The following ACOT11 variants were observed in gnomAD, a reference collection of about 807,000 sequenced individuals.
ACOT11 encodes acyl-coenzyme A thioesterase 11.
Under a neutral mutation model 77.5 loss-of-function variants are expected in ACOT11, and 69 were observed. That is an observed-to-expected ratio of 0.89 (90% CI 0.73 to 1.09). The LOEUF is 1.09. ACOT11 is among the 50% of genes least tolerant of loss of function. The pLI, the probability that ACOT11 is intolerant of heterozygous loss-of-function variation, is 0.00. For synonymous variants in ACOT11, 279 were observed against 313.0 expected (o/e 0.89, Z 1.15); for missense variants, 766 against 813.7 (o/e 0.94, Z 0.71).
intron 1 of ACOT11, among the ~76,000 whole-genome samples, chr1:54,576,080 G>A (rs1654104927): frequency 6.6e-6 from 1 of 152,178 alleles, no homozygotes; most frequent in Non-Finnish European, 1.5e-5. Context: ...TCAGACTGGG[G>A]TTTTTAAGGG....
intron 16 of ACOT11, among the ~76,000 whole-genome samples, chr1:54,633,064 G>C (rs1019455287): frequency 1.3e-5 from 2 of 152,276 alleles, no homozygotes; most frequent in Admixed American, 6.5e-5. Context: ...GATTTGCAAG[G>C]TTTGAAAGAA....
intron 1 of ACOT11, among the ~76,000 whole-genome samples, chr1:54,554,348 T>C (rs1653182311): frequency 1.0e-5 from 1 of 99,160 alleles, no homozygotes; most frequent in Non-Finnish European, 2.2e-5. Context: ...TATATATATA[T>C]ATATTTTTTT....
intron 1 of ACOT11, among the ~76,000 whole-genome samples, chr1:54,558,307 A>G (rs188807851): frequency 6.0e-4 from 91 of 152,354 alleles, no homozygotes; most frequent in African/African-American, 2.1e-3. Context: ...TAAATGCCAT[A>G]CAAGTGCTAG....
rs35047110 is a variant in ACOT11 at position 54,554,351 on chromosome 1, ATT to A, written c.33+6026_33+6027del. ...TGTGTGTGTATATATATATATATAT[ATT>A]TTTTTTTTTTTTTTTTGAGATGGAG... is the stretch of plus-strand genomic sequence containing the variant. On this transcript the variant is annotated intron_variant, in intron 1 of 15. Coordinates refer to ENST00000343744, the MANE Select transcript of ACOT11 (RefSeq NM_147161.4). 2.9e-3 allele frequency among the ~76,000 whole-genome samples: 285 copies of A among 97,222 alleles called. 8 individuals carry two copies. The highest frequency in any genetic ancestry group is 0.01 in the East Asian group (35 of 3,406). 63.8% of individuals were successfully genotyped at this position (97,222 alleles called of 152,430 possible). A position where few individuals can be genotyped will look rare whatever the true frequency, so the allele number is the denominator to read the frequency against.
chr1:54,576,186 T>C (rs580327), intron 1 of ACOT11, among the ~76,000 whole-genome samples: 18,132 of 152,052 alleles, frequency 0.12, 2,587 homozygotes, highest in African/African-American at 0.34. Flanking sequence ...TGTTGAGTTG[T>C]CTCTTTGGAA....
At chr1:54,604,227 A>G in intron 11 of ACOT11, 119 bp from the exon 12 acceptor site, 1 of 895,776 alleles carries the variant, frequency 1.1e-6, no homozygotes, top group Admixed American at 2.1e-5. Context: ...CTGCCGCACC[A>G]CCCACCCACC....
At chr1:54,615,719 G>A (rs551810571) in intron 15 of ACOT11, among the ~76,000 whole-genome samples, 12 of 152,280 alleles carry the variant, frequency 7.9e-5, no homozygotes, top group African/African-American at 2.4e-4. Flanking sequence ...AACATGTTAC[G>A]TCCAGTTCTG....
chr1:54,590,732 A>G (rs1404490034), intron 3 of ACOT11, among the ~76,000 whole-genome samples: 3 of 152,122 alleles, frequency 2.0e-5, no homozygotes, highest in Non-Finnish European at 4.4e-5. Context: ...GTATCTATGT[A>G]TGGACAAATA....
intron 15 of ACOT11, among the ~76,000 whole-genome samples, chr1:54,629,485 A>G (rs1467827662): frequency 1.5e-5 from 2 of 132,646 alleles, no homozygotes; most frequent in African/African-American, 2.6e-5. Flanking sequence ...ATGGGGTTTC[A>G]CTGTGTTAGC....
intron 1 of ACOT11, among the ~76,000 whole-genome samples, chr1:54,561,709 G>C (rs1165921604): frequency 8.5e-6 from 1 of 118,330 alleles, no homozygotes. Flanking sequence ...CCTCCCGGAC[G>C]GGGCGGCTGG....
In ACOT11 at chr1:54,584,552, A is replaced by G; in HGVS notation, c.34-103A>G. On this transcript the variant is annotated intron_variant, in intron 1 of 15. Coordinates refer to ENST00000343744, the MANE Select transcript of ACOT11 (RefSeq NM_147161.4). This position sits in a 1 kb window ranked among gnomAD's most constrained non-coding sequence, Gnocchi z 6.3. ...GGTCTGGTGGGAGGTGGCCCTAGGT[A>G]CTCTCTCTCCCCCAGACCCTAAGTT... 9.0e-7 allele frequency: 1 copy of G among 1,116,976 alleles called. No individual in the cohort carries two copies. 69.2% of individuals were successfully genotyped at this position (1,116,976 alleles called of 1,614,324 possible).
chr1:54,552,594 C>A (rs544490842), intron 1 of ACOT11, among the ~76,000 whole-genome samples: 20 of 152,088 alleles, frequency 1.3e-4, no homozygotes. Context: ...CTGGTTCAAG[C>A]GATTCTCATT....
chr1:54,627,925 G>A (rs1344025464), intron 15 of ACOT11, among the ~76,000 whole-genome samples: 2 of 133,298 alleles, frequency 1.5e-5, no homozygotes, highest in Non-Finnish European at 3.4e-5. Context: ...GGTGGGAAAT[G>A]TGGGGAGGCG....
chr1:54,619,868 C>T lies in ACOT11; in HGVS notation c.1630-10866C>T, dbSNP rs756626093. The T allele has an allele frequency of 1.6e-5, 26 of 1,613,798 alleles. No homozygotes were observed. The East Asian group carries it at 5.3e-4, about 33-fold the overall frequency. ...AGTCTTGGCAGCTGGACTTACTGTT[C>T]AGGGCAGCTGTCATGGCTTTCTTGC... On this transcript the variant is annotated intron_variant, in intron 15 of 16. Coordinates refer to the ACOT11 transcript ENST00000371316.
chr1:54,594,443 G>C (rs1654823619), intron 5 of ACOT11, 113 bp from the exon 6 acceptor site: 1 of 1,381,882 alleles, frequency 7.2e-7, no homozygotes, highest in Non-Finnish European at 9.7e-7. Flanking sequence ...CTGAGCAGCA[G>C]CCCACGCCTG....
At chr1:54,559,955 TC>T (rs1301758348) in intron 1 of ACOT11, among the ~76,000 whole-genome samples, 6 of 152,220 alleles carry the variant, frequency 3.9e-5, no homozygotes, top group Non-Finnish European at 7.3e-5. Context: ...GTCCTGTGGC[TC>T]CAGGGACAGA....
chr1:54,598,473 G>T (rs1178608350), intron 7 of ACOT11: 2 of 152,314 alleles, frequency 1.3e-5, no homozygotes, highest in African/African-American at 4.8e-5. Context: ...CCTCTGGGCA[G>T]AACTGCCACT....
chr1:54,605,256 A>T (rs757002687), intron 13 of ACOT11, 47 bp downstream of exon 13: 2 of 1,587,050 alleles, frequency 1.3e-6, no homozygotes, highest in African/African-American at 1.3e-5. Flanking sequence ...CTCCGGCCTG[A>T]TGAGGGAGAG....
At chr1:54,597,127 C>T (rs1643896640) in intron 6 of ACOT11, 132 bp from the exon 7 acceptor site, 1 of 1,179,010 alleles carries the variant, frequency 8.5e-7, no homozygotes, top group Middle Eastern at 2.6e-4. Context: ...CTCATGTGCA[C>T]TCTGTGCTGA....
Sources: gnomAD v4.1 joint callset for allele counts (sites outside exome capture counted in the v4.1 genomes callset) on GRCh38, gnomAD v4.1.1 for gene constraint, Gnocchi (gnomAD v3.1) non-coding constraint, MANE v1.5 for transcripts, NCBI Gene and HGNC (gene_info 2026-07-23, HGNC 2026-07-21) for gene names.